Variants in N4BP2L2 observed in about 807,000 individuals in gnomAD.
N4BP2L2 encodes the protein NEDD4-binding protein 2-like 2.
In N4BP2L2, 50 loss-of-function variants were observed where a neutral mutation model predicts 56.2. The ratio of observed to expected loss-of-function variants is 0.89; its 90% confidence interval spans 0.71 to 1.13. The LOEUF (loss-of-function observed/expected upper bound fraction) is 1.13. Among genes scored for constraint, N4BP2L2 ranks in the 50% most tolerant of loss-of-function variants. N4BP2L2 has a pLI of 0.00. For missense variants in N4BP2L2, 689 were observed against 693.8 expected (o/e 0.99, Z 0.08); for synonymous variants, 203 against 223.6 (o/e 0.91, Z 0.82).
chr13:32,438,555 C>T (rs764451527), intron 8 of N4BP2L2: 21 of 918,008 alleles, frequency 2.3e-5, no homozygotes, highest in South Asian at 3.3e-5. Flanking sequence ...GCCAAGATCA[C>T]GCCATTGCAC....
chr13:32,438,739 T>C lies in N4BP2L2; in HGVS notation c.2105-2A>G. 6.2e-7 allele frequency: 1 copy of C among 1,602,434 alleles called. No individual in the cohort carries two copies. ...CATAGTCATCAGGCAACAAGGATTC[T>C]GTGAAAGAAAGAAAGACCTAATCTC... is the stretch of plus-strand genomic sequence containing the variant. On this transcript the variant is annotated splice_acceptor_variant, in intron 7 of 9. Transcript: ENST00000357505. LOFTEE classifies it high-confidence loss of function.
intron 6 of N4BP2L2, among the ~76,000 whole-genome samples, chr13:32,482,812 T>G (rs1297544503): frequency 6.6e-6 from 1 of 152,246 alleles, no homozygotes; most frequent in Non-Finnish European, 1.5e-5. Flanking sequence ...TTATTTCATC[T>G]GTTAAGAATG....
At chr13:32,453,476 A>G (rs2078454906) in intron 6 of N4BP2L2, among the ~76,000 whole-genome samples, 1 of 151,892 alleles carries the variant, frequency 6.6e-6, no homozygotes, top group East Asian at 1.9e-4. Context: ...AATCTTTGTT[A>G]GTTTTTTAAG....
rs781551327 is a variant in N4BP2L2 at position 32,536,073 on chromosome 13, CATA to C, written c.952_954del (p.Tyr318del). 3.7e-6 allele frequency: 6 copies of C among 1,613,896 alleles called. No individual in the cohort carries two copies. The African/African-American group carries it at 8.0e-5, about 22-fold the overall frequency. ...TTCCAGTTAACATGACAATTATTTACATAATATCCATTTTGTATCTGAGAGTCA... is the reference window on the plus strand; with the variant it reads ...TTCCAGTTAACATGACAATTATTTACATATCCATTTTGTATCTGAGAGTCA... On this transcript the variant is annotated inframe_deletion, in exon 2 of 6. Transcript: ENST00000267068.
intron 2 of N4BP2L2, 92 bp from the exon 3 acceptor site, chr13:32,527,624 A>G (rs2053427534): frequency 2.8e-6 from 4 of 1,408,982 alleles, no homozygotes; most frequent in Non-Finnish European, 3.9e-6. Context: ...AAGTGAAATA[A>G]ATCACACAGG....
intron 2 of N4BP2L2, among the ~76,000 whole-genome samples, chr13:32,531,224 C>G (rs765368915): frequency 2.9e-4 from 44 of 152,134 alleles, no homozygotes; most frequent in Non-Finnish European, 5.6e-4. Flanking sequence ...AACCAGAGTC[C>G]AGACCTACAG....
intron 9 of N4BP2L2, chr13:32,436,345 A>G (rs1428733447): frequency 8.3e-7 from 1 of 1,198,920 alleles, no homozygotes; most frequent in African/African-American, 1.5e-5. Flanking sequence ...AGGTCTCTAG[A>G]ATAAGTCATA....
chr13:32,535,443 T>C (rs1275453473), intron 2 of N4BP2L2, among the ~76,000 whole-genome samples: 3 of 152,230 alleles, frequency 2.0e-5, no homozygotes, highest in East Asian at 1.9e-4. Context: ...CTTTCTTCTA[T>C]CAGAAAAGAT....
intron 5 of N4BP2L2, 36 bp from the exon 6 acceptor site, chr13:32,518,039 C>T: frequency 6.3e-7 from 1 of 1,595,346 alleles, no homozygotes; most frequent in Non-Finnish European, 8.6e-7. Flanking sequence ...ATCTTTGTTG[C>T]AGAATGTACA....
At chr13:32,451,343 A>C (rs1487576940) in intron 6 of N4BP2L2, among the ~76,000 whole-genome samples, 1 of 151,982 alleles carries the variant, frequency 6.6e-6, no homozygotes, top group African/African-American at 2.4e-5. Context: ...TAAAAAACAC[A>C]ACCCCCAGGT....
rs187126010 is a variant in N4BP2L2, at chr13:32,535,517, T to C, written c.1259+252A>G. 4.4e-3 allele frequency among the ~76,000 whole-genome samples: 674 copies of C among 152,348 alleles called. 5 individuals carry two copies. The highest frequency in any genetic ancestry group is 0.016 in the African/African-American group (654 of 41,588). ...TAGCAAATTAAAGATTTTCTTCTAC[T>C]AGAAACATAAAAGCACTTGTCAGTG... On this transcript the variant is annotated intron_variant, in intron 2 of 5. Coordinates refer to ENST00000267068, the Ensembl canonical transcript of N4BP2L2.
chr13:32,448,727 A>AG lies in N4BP2L2; in HGVS notation c.366-4602dup, dbSNP rs561314066. Among the ~76,000 whole-genome samples, 315 of 152,246 alleles carry AG rather than the reference A, an allele frequency of 2.1e-3. 2 individuals carry two copies. The highest frequency in any genetic ancestry group is 7.0e-3 in the African/African-American group (290 of 41,550). On this transcript the variant is annotated intron_variant, in intron 6 of 9. Coordinates refer to the N4BP2L2 transcript ENST00000357505. ...TAACCCTCATGAAAAAATATAATTA[A>AG]GGGGGGGCCAGAAAAAAACATTTCC...
intron 6 of N4BP2L2, among the ~76,000 whole-genome samples, chr13:32,498,362 T>C (rs1354930195): frequency 6.6e-6 from 1 of 152,194 alleles, no homozygotes; most frequent in Non-Finnish European, 1.5e-5. Context: ...CACTCATTCA[T>C]TTAAGACAGA....
chr13:32,503,538 A>C (rs1394785350), intron 6 of N4BP2L2, among the ~76,000 whole-genome samples: 2 of 152,178 alleles, frequency 1.3e-5, no homozygotes, highest in African/African-American at 2.4e-5. Flanking sequence ...ATTTACTTTT[A>C]TATTTCCACC....
At position 32,490,675 on chromosome 13, in the gene N4BP2L2, C is replaced by T. The variant is rs145966768; in HGVS notation, c.365+27182G>A. On this transcript the variant is annotated intron_variant, in intron 6 of 9. Coordinates refer to the N4BP2L2 transcript ENST00000357505. ...TCCCCAACCTTTTTGGGGGTGGTTT[C>T]GGAGATGAAACTGTTCCACCTCAGA... is the stretch of plus-strand genomic sequence containing the variant. Among the ~76,000 whole-genome samples the T allele has an allele frequency of 9.1e-3, 1,389 of 152,056 alleles. 57 individuals are homozygous for T. The highest frequency in any genetic ancestry group is 0.075 in the Admixed American group (1,145 of 15,276).
At chr13:32,435,701 C>G (rs527776619) in intron 9 of N4BP2L2, among the ~76,000 whole-genome samples, 20 of 152,250 alleles carry the variant, frequency 1.3e-4, no homozygotes, top group African/African-American at 4.6e-4. Context: ...TCAGGGGAAG[C>G]AGGATTAAAA....
rs191557450 is a variant in N4BP2L2, at chr13:32,447,738, T to C, written c.366-3612A>G. ...ACTCCCCAAGAGTTGCTTTGTTTTC[T>C]AAGCAGATTACAATCAGCTGCTTCA... is the stretch of plus-strand genomic sequence containing the variant. On this transcript the variant is annotated intron_variant, in intron 6 of 9. Coordinates refer to the N4BP2L2 transcript ENST00000357505. Among the ~76,000 whole-genome samples, 44 of 152,296 alleles carry C rather than the reference T, an allele frequency of 2.9e-4. No individual in the cohort carries two copies. The East Asian group carries it at 7.9e-3, about 27-fold the overall frequency.
chr13:32,486,128 T>C (rs543295241), intron 6 of N4BP2L2, among the ~76,000 whole-genome samples: 23 of 152,120 alleles, frequency 1.5e-4, no homozygotes, highest in African/African-American at 5.5e-4. Context: ...CAATCTGATA[T>C]AAAACATGTA....
chr13:32,468,279 AAAG>A (rs2081605638), intron 6 of N4BP2L2, among the ~76,000 whole-genome samples: 1 of 152,004 alleles, frequency 6.6e-6, no homozygotes, highest in Non-Finnish European at 1.5e-5. Flanking sequence ...AAAAAAAAAA[AAAG>A]AAACTAAAAT....
Sources: gnomAD v4.1 joint callset for allele counts (sites outside exome capture counted in the v4.1 genomes callset) on GRCh38, gnomAD v4.1.1 for gene constraint, MANE v1.5 for transcripts, NCBI Gene and HGNC (gene_info 2026-07-23, HGNC 2026-07-21) for gene names.